Variants in TLDC2 observed in about 807,000 individuals in gnomAD.
TLDC2 encodes TBC/LysM-associated domain containing 2.
TLDC2 carries 23 observed loss-of-function variants against 27.9 expected under a neutral mutation model. The observed-to-expected ratio is 0.82, with a 90% CI of 0.59 to 1.17. The LOEUF (loss-of-function observed/expected upper bound fraction) is 1.17. Among genes scored for constraint, TLDC2 ranks in the 50% most tolerant of loss-of-function variants. TLDC2 has a pLI of 0.00. For missense variants in TLDC2, 286 were observed against 273.4 expected, an observed-to-expected ratio of 1.05 and a Z score of -0.32; for synonymous variants, 124 against 107.4, an observed-to-expected ratio of 1.16 and a Z score of -0.96.
rs779710985 is a variant in TLDC2, at chr20:36,887,447, T to C, written c.439-8T>C. The C allele has an allele frequency of 1.2e-6, 2 of 1,613,148 alleles. No individual in the cohort carries two copies. The highest frequency in any genetic ancestry group is 2.2e-5 in the South Asian group (2 of 91,056). On this transcript the variant is annotated splice_region_variant and splice_polypyrimidine_tract_variant and intron_variant, in intron 4 of 6. Coordinates refer to ENST00000217320, the MANE Select transcript of TLDC2 (RefSeq NM_080628.3). ...AGTAACCTGAGCCTTTCCCTATGTA[T>C]CACCCAGGTCTTTAAGTGGACTGGA...
chr20:36,889,375 C>T lies in TLDC2; in HGVS notation c.637C>T (p.Leu213Phe), dbSNP rs1990004662. The part of the protein sequence containing the change: ...QFCIQELEAW[L>F]LS ...CTGCATCCAGGAGCTGGAGGCTTGG[C>T]TTCTCAGCTGACAGCCCTGCGGCAA... The change falls in exon 6 of 7, where the codon CTT (leucine) becomes TTT (phenylalanine). Residue 213 changes from leucine to phenylalanine, a missense_variant. By Grantham distance (22) the Leu-to-Phe change is conservative (BLOSUM62 0). Coordinates refer to ENST00000217320, the MANE Select transcript of TLDC2 (RefSeq NM_080628.3). 6.2e-7 allele frequency: 1 copy of T among 1,613,928 alleles called. No individual in the cohort carries two copies. The highest frequency in any genetic ancestry group is 2.2e-5 in the East Asian group (1 of 44,878).
chr20:36,882,406 C>T (rs1189281862), intron 4 of TLDC2, among the ~76,000 whole-genome samples: 4 of 152,134 alleles, frequency 2.6e-5, no homozygotes, highest in Admixed American at 6.5e-5. Flanking sequence ...AAACAAAACA[C>T]GGCCAGGTGC....
rs1163228460 is a variant in TLDC2 at position 36,879,190 on chromosome 20, G to A, written c.339G>A (p.Gly113=). ...PVLLVLRDQD[G]QIFGAFSSSA... is the part of the protein sequence containing the mutation. ...TGCTGGTGCTCAGGGACCAGGACGGGCAGGTGAGCTGGGCAGGGGCACCAC... is the reference window on the plus strand; with the variant it reads ...TGCTGGTGCTCAGGGACCAGGACGGACAGGTGAGCTGGGCAGGGGCACCAC... Residue 113 remains glycine, a synonymous_variant, in exon 3 of 7, where the codon GGG becomes GGA. Transcript: ENST00000217320. 6 of 1,612,034 alleles carry A rather than the reference G, an allele frequency of 3.7e-6. No homozygotes were observed. In the Admixed American group the frequency reaches 1.0e-4, roughly 27 times the overall value.
chr20:36,876,964 C>T (rs1568746029), intron 1 of TLDC2, among the ~76,000 whole-genome samples: 1 of 152,180 alleles, frequency 6.6e-6, no homozygotes, highest in Non-Finnish European at 1.5e-5. Context: ...ACACAATTCG[C>T]ACAGACAAAC....
intron 5 of TLDC2, among the ~76,000 whole-genome samples, chr20:36,888,168 C>G (rs548417349): frequency 9.5e-4 from 145 of 152,224 alleles, no homozygotes; most frequent in Non-Finnish European, 1.2e-3. Flanking sequence ...TTAGAATGGA[C>G]GCTCTGAAGC....
At chr20:36,882,711 T>C (rs1364263252) in intron 4 of TLDC2, among the ~76,000 whole-genome samples, 1 of 152,148 alleles carries the variant, frequency 6.6e-6, no homozygotes, top group Non-Finnish European at 1.5e-5. Context: ...AAATATACCA[T>C]ATCTATTGCA....
At chr20:36,880,579 C>A in intron 3 of TLDC2, 76 bp from the exon 4 acceptor site, 5 of 1,305,312 alleles carry the variant, frequency 3.8e-6, no homozygotes, top group Non-Finnish European at 5.5e-6. Context: ...GCCTGTATTA[C>A]TAAACCTGAA....
rs752092709 is a variant in TLDC2 at position 36,878,024 on chromosome 20, C to A, written c.159C>A (p.Ser53Arg). 6.2e-7 allele frequency: 1 copy of A among 1,613,896 alleles called. No individual in the cohort carries two copies. The highest frequency in any genetic ancestry group is 1.1e-5 in the South Asian group (1 of 91,036). ...CGGTGCCCCAGCTGACAGAAGCCAGCCAGGTTTTGAGTGCCTCAGAGATTC... is the reference window on the plus strand; with the variant it reads ...CGGTGCCCCAGCTGACAGAAGCCAGACAGGTTTTGAGTGCCTCAGAGATTC... ...DPTVPQLTEA[S>R]QVLSASEIRQ... The change falls in exon 2 of 7, where the codon AGC becomes AGA. Residue 53 changes from serine to arginine, a missense_variant. Ser to Arg is a moderately radical substitution (Grantham distance 110). Transcript: ENST00000217320.
intron 2 of TLDC2, 56 bp from the exon 3 acceptor site, chr20:36,878,985 A>C (rs1989737312): frequency 6.2e-7 from 1 of 1,613,592 alleles, no homozygotes; most frequent in African/African-American, 1.3e-5. Flanking sequence ...CACCCCCAGG[A>C]TATGGCAGGA....
In TLDC2 at chr20:36,893,879, T is replaced by C; in HGVS notation, c.*1035T>C. ...GGTAAATTACATTTCTCAGCTCCCA[T>C]GCCTGTTGGTTTCCAGTTAGATTTG... On this transcript the variant is annotated 3_prime_UTR_variant, in exon 7 of 7. Transcript: ENST00000217320. 1 of 398,678 alleles carries C rather than the reference T, an allele frequency of 2.5e-6. No individual in the cohort carries two copies. Among genetic ancestry groups the C allele is most frequent in the Non-Finnish European group, 4.4e-6 (1 of 226,082 alleles). The allele number at this position is 398,678 out of a possible 1,614,324, so 24.7% of individuals were successfully genotyped here.
intron 6 of TLDC2, chr20:36,890,768 C>G (rs527631104): frequency 1.8e-4 from 28 of 152,234 alleles, no homozygotes; most frequent in African/African-American, 6.3e-4. Context: ...ATGACCACCT[C>G]GCCTGGCCAA....
rs530416824 is a variant in TLDC2, at chr20:36,876,677, A to G, written c.33+470A>G. On this transcript the variant is annotated intron_variant, in intron 1 of 6. Coordinates refer to ENST00000217320, the MANE Select transcript of TLDC2 (RefSeq NM_080628.3). ...TACACATGCAAACACACACACTCAC[A>G]CACTCAAACACACTCAAATGCACTC... 2.0e-4 allele frequency among the ~76,000 whole-genome samples: 30 copies of G among 152,140 alleles called. 1 individual carries two copies. In the South Asian group the frequency reaches 6.2e-3, roughly 32 times the overall value.
chr20:36,893,454 G>A lies in TLDC2; in HGVS notation c.*610G>A, dbSNP rs1990130493. The A allele has an allele frequency of 6.7e-6, 2 of 298,872 alleles. No homozygotes were observed. The highest frequency in any genetic ancestry group is 2.1e-5 in the African/African-American group (1 of 46,622). 18.5% of individuals were successfully genotyped at this position (298,872 alleles called of 1,614,324 possible). A position where few individuals can be genotyped will look rare whatever the true frequency, so the allele number is the denominator to read the frequency against. On this transcript the variant is annotated 3_prime_UTR_variant, in exon 7 of 7. Coordinates refer to ENST00000217320, the MANE Select transcript of TLDC2 (RefSeq NM_080628.3). Reference sequence around the variant, plus strand: ...GGTCCCCTCTGCAATAAAAGGCCCAGGTCTACAAGATGGCAAAGAAGGGGA... The same window carrying A: ...GGTCCCCTCTGCAATAAAAGGCCCAAGTCTACAAGATGGCAAAGAAGGGGA...
At chr20:36,889,484 G>T in intron 6 of TLDC2, 81 bp downstream of exon 6, 1 of 1,489,650 alleles carries the variant, frequency 6.7e-7, no homozygotes, top group Non-Finnish European at 8.9e-7. Context: ...GATGGTGAAG[G>T]GCCCTAGAGT....
chr20:36,883,820 T>C (rs6016649), intron 4 of TLDC2, among the ~76,000 whole-genome samples: 1 of 152,146 alleles, frequency 6.6e-6, no homozygotes, highest in African/African-American at 2.4e-5. Context: ...AGGGCAGGGC[T>C]CAGTGGCTCA....
At chr20:36,882,901 T>C (rs906376324) in intron 4 of TLDC2, among the ~76,000 whole-genome samples, 1 of 152,192 alleles carries the variant, frequency 6.6e-6, no homozygotes, top group Non-Finnish European at 1.5e-5. Context: ...TATTCCTACA[T>C]TGACTATTCC....
intron 4 of TLDC2, 21 bp from the exon 5 acceptor site, chr20:36,887,434 C>T: frequency 6.2e-7 from 1 of 1,608,840 alleles, no homozygotes; most frequent in African/African-American, 1.3e-5. Flanking sequence ...TAACCTGAGC[C>T]TTTCCCTATG....
intron 2 of TLDC2, 71 bp from the exon 3 acceptor site, chr20:36,878,970 A>G: frequency 6.2e-7 from 1 of 1,611,552 alleles, no homozygotes; most frequent in Non-Finnish European, 8.5e-7. Flanking sequence ...CTAGCTGTCC[A>G]AGCCCACCCC....
Position 36,877,908 on chromosome 20 carries a change from G to A in TLDC2, c.43G>A (p.Val15Met). The A allele has an allele frequency of 1.2e-6, 2 of 1,613,114 alleles. No individual in the cohort carries two copies. Among genetic ancestry groups the A allele is most frequent in the Non-Finnish European group, 1.7e-6 (2 of 1,179,642 alleles). ...CTTTGTGTTTTTGCAGCCCAGCCAG[G>A]TGGAGGACACCCTGTCTGGGGAGGA... ...RWRYTRLPSQ[V>M]EDTLSGEEGN... is the part of the protein sequence containing the mutation. Residue 15 changes from valine (V) to methionine (M), a missense_variant, in exon 2 of 7, where the codon GTG becomes ATG. Transcript: ENST00000217320.
Sources: gnomAD v4.1 joint callset for allele counts (sites outside exome capture counted in the v4.1 genomes callset) on GRCh38, gnomAD v4.1.1 for gene constraint, MANE v1.5 for transcripts, NCBI Gene and HGNC (gene_info 2026-07-23, HGNC 2026-07-21) for gene names.